RPRD1A: variants seen among roughly 807,000 people sequenced by gnomAD.
The protein encoded by RPRD1A is regulation of nuclear pre-mRNA domain containing 1A.
Under a neutral mutation model 37.8 loss-of-function variants are expected in RPRD1A, and 9 were observed. The ratio of observed to expected loss-of-function variants is 0.24; its 90% CI spans 0.14 to 0.42. RPRD1A has a LOEUF of 0.42. Ranked by LOEUF, RPRD1A falls within the 10% of genes least tolerant of loss-of-function variation. The probability of loss-of-function intolerance (pLI) is 1.00; values close to 1 mark genes in which losing one functional copy is unlikely to be tolerated. For synonymous variants in RPRD1A, 138 were observed against 139.7 expected (o/e 0.99, Z 0.08); for missense variants, 255 against 371.0 (o/e 0.69, Z 2.57).
intron 1 of RPRD1A, among the ~76,000 whole-genome samples, chr18:36,038,121 A>C (rs1033458434): frequency 1.3e-5 from 2 of 152,262 alleles, no homozygotes; most frequent in Non-Finnish European, 2.9e-5. Context: ...TGGGCTGCAG[A>C]AATTTGCAAG....
Position 36,033,836 on chromosome 18 carries a change from G to C in RPRD1A, c.153C>G (p.Ala51=). Residue 51 remains alanine (A), a splice_region_variant and synonymous_variant, in exon 2 of 7, where the codon GCC becomes GCG. Coordinates refer to ENST00000399022, the MANE Select transcript of RPRD1A (RefSeq NM_018170.5). ...GAAAAGTAAGCTTCCTGTTTGGTTTGGCTGAAAAATAAGAAAAAGTTAAAA... is the reference window on the plus strand; with the variant it reads ...GAAAAGTAAGCTTCCTGTTTGGTTTCGCTGAAAAATAAGAAAAAGTTAAAA... The part of the protein sequence containing the change: ...VTVWERELRK[A]KPNRKLTFLY... The C allele has an allele frequency of 6.3e-7, 1 of 1,595,154 alleles. No homozygotes were observed. Among genetic ancestry groups the C allele is most frequent in the Non-Finnish European group, 8.5e-7 (1 of 1,173,486 alleles).
chr18:36,014,692 G>A (rs1247534904), intron 6 of RPRD1A, among the ~76,000 whole-genome samples: 2 of 152,262 alleles, frequency 1.3e-5, no homozygotes, highest in East Asian at 1.9e-4. Flanking sequence ...GCAGTGAGCC[G>A]AGATCGCGCC....
intron 6 of RPRD1A, among the ~76,000 whole-genome samples, chr18:36,008,577 G>GTGTATATATATATA: frequency 1.0e-4 from 5 of 47,802 alleles, no homozygotes; most frequent in African/African-American, 3.4e-4. Context: ...CCTTGTGTGT[G>GTGTATATATATATA]TATATATATA....
chr18:36,061,578 A>G (rs1185160794), intron 1 of RPRD1A, among the ~76,000 whole-genome samples: 1 of 152,252 alleles, frequency 6.6e-6, no homozygotes, highest in Non-Finnish European at 1.5e-5. Context: ...TTCATGGTCA[A>G]TATTTCTACA....
chr18:36,039,617 T>C (rs182983585), intron 1 of RPRD1A, among the ~76,000 whole-genome samples: 110 of 152,372 alleles, frequency 7.2e-4, no homozygotes, highest in African/African-American at 2.4e-3. Flanking sequence ...AAATGTTACC[T>C]ATTTTCTTAC....
rs1019187569 is a variant in RPRD1A, at chr18:35,993,016, A to C, written c.*135T>G. ...AGTAAACAAACCAACATTTTAAACA[A>C]TTTTATAAATTACTCGTTGTTCCTT... is the stretch of plus-strand genomic sequence containing the variant. On this transcript the variant is annotated 3_prime_UTR_variant, in exon 7 of 7. Transcript: ENST00000399022. The C allele has an allele frequency of 2.9e-6, 2 of 699,862 alleles. No individual in the cohort carries two copies. Among genetic ancestry groups the C allele is most frequent in the African/African-American group, 3.7e-5 (2 of 54,478 alleles). The allele number at this position is 699,862 out of a possible 1,614,324, so 43.4% of individuals were successfully genotyped here. A position where few individuals can be genotyped will look rare whatever the true frequency, so the allele number is the denominator to read the frequency against.
chr18:36,028,412 T>C (rs891676594), intron 4 of RPRD1A, among the ~76,000 whole-genome samples: 3 of 152,216 alleles, frequency 2.0e-5, no homozygotes, highest in Non-Finnish European at 4.4e-5. Context: ...TAAGGTGTGC[T>C]TAAGAGTAAC....
At chr18:36,061,811 T>A (rs2144424078) in intron 1 of RPRD1A, among the ~76,000 whole-genome samples, 1 of 152,252 alleles carries the variant, frequency 6.6e-6, no homozygotes, top group Admixed American at 6.5e-5. Flanking sequence ...AGACAAATTT[T>A]AAAATAGGCA....
chr18:35,999,706 T>G (rs916952051), intron 6 of RPRD1A, among the ~76,000 whole-genome samples: 1 of 152,142 alleles, frequency 6.6e-6, no homozygotes, highest in Non-Finnish European at 1.5e-5. Context: ...ATTAAAGGCT[T>G]TGGTCAATTC....
At chr18:36,029,931 G>A (rs544167723) in intron 4 of RPRD1A, among the ~76,000 whole-genome samples, 36 of 151,296 alleles carry the variant, frequency 2.4e-4, no homozygotes, top group East Asian at 2.2e-3. Flanking sequence ...TCAGCCTCCC[G>A]AGTAGCTGGG....
intron 6 of RPRD1A, among the ~76,000 whole-genome samples, chr18:35,998,490 C>T (rs1370830775): frequency 5.3e-5 from 8 of 152,160 alleles, no homozygotes; most frequent in Non-Finnish European, 8.8e-5. Flanking sequence ...TCTTCTCCTC[C>T]GTTTTCCTCA....
At chr18:36,015,539 C>T (rs1910494494) in intron 6 of RPRD1A, among the ~76,000 whole-genome samples, 1 of 152,140 alleles carries the variant, frequency 6.6e-6, no homozygotes, top group Non-Finnish European at 1.5e-5. Context: ...TCCATAGCAG[C>T]ATTATTCACA....
At chr18:36,051,115 TGTTC>T (rs1307470618) in intron 1 of RPRD1A, among the ~76,000 whole-genome samples, 12 of 152,130 alleles carry the variant, frequency 7.9e-5, no homozygotes, top group African/African-American at 2.9e-4. Context: ...AGACCTATGT[TGTTC>T]AATGGAAAAC....
At chr18:36,062,952 A>G (rs899744214) in intron 1 of RPRD1A, 1 of 152,208 alleles carries the variant, frequency 6.6e-6, no homozygotes, top group African/African-American at 2.4e-5. Flanking sequence ...ACATCTTAAT[A>G]AAGAAGTAAC....
chr18:36,036,235 G>C (rs1019993038), intron 1 of RPRD1A, among the ~76,000 whole-genome samples: 3 of 151,942 alleles, frequency 2.0e-5, no homozygotes, highest in Non-Finnish European at 4.4e-5. Context: ...ACCATGCCTG[G>C]CTAATTTTTT....
At chr18:36,043,527 C>T (rs1912746427) in intron 1 of RPRD1A, among the ~76,000 whole-genome samples, 1 of 152,116 alleles carries the variant, frequency 6.6e-6, no homozygotes, top group Non-Finnish European at 1.5e-5. Flanking sequence ...GTATATGCAA[C>T]AAATGAATTA....
intron 6 of RPRD1A, among the ~76,000 whole-genome samples, chr18:36,008,589 A>ATATATATATATATATCTC (rs71381561): frequency 3.3e-5 from 3 of 90,820 alleles, no homozygotes; most frequent in Non-Finnish European, 4.5e-5. Context: ...ATATATATAT[A>ATATATATATATATATCTC]TCTTTAAAAA....
chr18:36,062,348 A>AAAAAAAAAAAAC (rs2088932552), intron 1 of RPRD1A, among the ~76,000 whole-genome samples: 1 of 150,442 alleles, frequency 6.6e-6, no homozygotes, highest in African/African-American at 2.4e-5. Context: ...AAAAAAAAAA[A>AAAAAAAAAAAAC]CATGTACCCA....
intron 6 of RPRD1A, among the ~76,000 whole-genome samples, chr18:36,004,758 C>G (rs1909634678): frequency 6.6e-6 from 1 of 152,092 alleles, no homozygotes; most frequent in African/African-American, 2.4e-5. Context: ...CAGAAATTAG[C>G]TGGGCGCGGT....
Sources: allele counts gnomAD v4.1 joint callset (sites outside exome capture counted in the v4.1 genomes callset), GRCh38; gene constraint gnomAD v4.1.1; transcripts MANE v1.5; gene names NCBI Gene and HGNC (gene_info 2026-07-23, HGNC 2026-07-21).